The following MYO15B variants were observed in gnomAD, a reference collection of about 807,000 sequenced individuals.
MYO15B encodes myosin XVB pseudogene.
A neutral mutation model predicts 119.3 loss-of-function variants in MYO15B; 207 were observed. The ratio of observed to expected loss-of-function variants is 1.73; its 90% CI spans 1.55 to 1.95. MYO15B has a LOEUF of 1.95. Ranked by LOEUF, MYO15B falls within the 30% of genes most tolerant of loss-of-function variation. The probability of loss-of-function intolerance (pLI) is 0.00; values close to 1 mark genes in which losing one functional copy is unlikely to be tolerated. For synonymous variants in MYO15B, 966 were observed against 498.9 expected, an observed-to-expected ratio of 1.94 and a Z score of -12.48; for missense variants, 2,264 against 1,203.1, an observed-to-expected ratio of 1.88 and a Z score of -13.04.
rs773966943 is a variant in MYO15B at position 75,617,301 on chromosome 17, CGTT to C, written c.6814_6814+2del. 2.5e-5 allele frequency: 16 copies of C among 633,826 alleles called. No homozygotes were observed. In the African/African-American group the frequency reaches 2.6e-4, roughly 10 times the overall value. 39.3% of individuals were successfully genotyped at this position (633,826 alleles called of 1,614,324 possible). ...CCCAGGGACCCTTTCAGCAGAGCGT[CGTT>C]GTAAGGAACCACATTTCTCCTGCGC... On this transcript the variant is annotated inframe_deletion and splice_region_variant, in exon 41 of 64. Transcript: ENST00000645453.
At chr17:75,609,629 C>T (rs908955383) in intron 21 of MYO15B, among the ~76,000 whole-genome samples, 1 of 151,252 alleles carries the variant, frequency 6.6e-6, no homozygotes, top group African/African-American at 2.4e-5. Flanking sequence ...TCCTTCCTCC[C>T]TTCCTCCCTC....
chr17:75,592,951 C>T (rs2056576088), intron 9 of MYO15B, 111 bp downstream of exon 9: 4 of 606,566 alleles, frequency 6.6e-6, no homozygotes, highest in Admixed American at 2.7e-5. Context: ...GCTGGGCTGC[C>T]CTGAAAAGTG....
chr17:75,600,762 A>T (rs1227890151), intron 14 of MYO15B: 1 of 147,230 alleles, frequency 6.8e-6, no homozygotes, highest in African/African-American at 2.5e-5. Flanking sequence ...ATTTTTTTGT[A>T]TTTTTAGTAG....
chr17:75,614,181 T>TG lies in MYO15B; in HGVS notation c.5220-16dup. 1.4e-6 allele frequency: 1 copy of TG among 700,128 alleles called. No individual in the cohort carries two copies. Among genetic ancestry groups the TG allele is most frequent in the Non-Finnish European group, 2.6e-6 (1 of 383,170 alleles). The allele number at this position is 700,128 out of a possible 1,614,324, so 43.4% of individuals were successfully genotyped here. On this transcript the variant is annotated splice_polypyrimidine_tract_variant and intron_variant, in intron 29 of 63. Transcript: ENST00000645453. ...CTGGATGGCCGCCTGCCTCACTGAC[T>TG]GGTCCCCTCCCACCCAGAGGCCTGG...
At chr17:75,613,432 C>T (rs1378693308) in exon 28 of MYO15B, 2 of 679,872 alleles carry the variant, frequency 2.9e-6, no homozygotes, top group African/African-American at 1.8e-5. Flanking sequence ...GGCCGGATGG[C>T]GGCGGGGCCG....
exon 54 of MYO15B, chr17:75,623,807 T>A (rs1237256869): frequency 1.4e-6 from 1 of 701,580 alleles, no homozygotes; most frequent in Non-Finnish European, 2.6e-6. Context: ...AGCTGAGGGA[T>A]GAGATTTACT....
rs1426257858 is a variant in MYO15B at position 75,589,127 on chromosome 17, G to A, written c.1070G>A (p.Gly357Asp). Residue 357 changes from glycine (G) to aspartate (D), a missense_variant, in exon 1 of 64, where the codon GGC (glycine) becomes GAC (aspartate). Coordinates refer to ENST00000645453, the Ensembl canonical transcript of MYO15B. This position sits in a 1 kb window ranked among gnomAD's most constrained non-coding sequence, Gnocchi z 4.2. The stretch of plus-strand genomic sequence containing the variant: ...CCAGGCGCCGCTTCCCAGGCCGTGG[G>A]CCCCCGCCGCGCTGGCCTCAAGGAG... The A allele has an allele frequency of 2.6e-5, 10 of 391,232 alleles. No homozygotes were observed. Among genetic ancestry groups the A allele is most frequent in the Non-Finnish European group, 3.2e-5 (7 of 221,316 alleles). 24.2% of individuals were successfully genotyped at this position (391,232 alleles called of 1,614,324 possible).
chr17:75,601,937 G>A (rs2057311368), intron 15 of MYO15B, among the ~76,000 whole-genome samples: 1 of 152,190 alleles, frequency 6.6e-6, no homozygotes, highest in African/African-American at 2.4e-5. Flanking sequence ...GAGATGGCCT[G>A]GCAGGTGCCT....
At chr17:75,605,771 G>A (rs1280945365) in intron 20 of MYO15B, 93 bp from the exon 21 acceptor site, 1 of 648,578 alleles carries the variant, frequency 1.5e-6, no homozygotes, top group African/African-American at 1.8e-5. Flanking sequence ...AGAACAAATG[G>A]TTTGGCTGGA....
intron 52 of MYO15B, 192 bp from the exon 53 acceptor site, chr17:75,621,812 T>C (rs2058728275): frequency 1.6e-6 from 1 of 609,856 alleles, no homozygotes; most frequent in African/African-American, 1.8e-5. Context: ...ATGTGCTGTG[T>C]GGGGCCTTGG....
At chr17:75,591,827 G>T in intron 5 of MYO15B, 115 bp downstream of exon 5, 2 of 680,580 alleles carry the variant, frequency 2.9e-6, no homozygotes, top group Non-Finnish European at 5.4e-6. Context: ...GAGAGGGGTG[G>T]TCTCCAGGCC....
Position 75,596,915 on chromosome 17 carries a change from G to A in MYO15B, c.3525+16G>A. 1 of 688,646 alleles carries A rather than the reference G, an allele frequency of 1.5e-6. No individual in the cohort carries two copies. The highest frequency in any genetic ancestry group is 2.3e-4 in the Middle Eastern group (1 of 4,296). The allele number at this position is 688,646 out of a possible 1,614,324, so 42.7% of individuals were successfully genotyped here. ...GCTGTCCCAGGTAAGGGCCAGGATG[G>A]TGACCCCCCACCCAGTGTCGGGAAG... On this transcript the variant is annotated intron_variant, in intron 14 of 63. Transcript: ENST00000645453.
chr17:75,595,512 G>A (rs557736875), intron 12 of MYO15B, among the ~76,000 whole-genome samples: 1 of 152,320 alleles, frequency 6.6e-6, no homozygotes, highest in East Asian at 1.9e-4. Flanking sequence ...GAACCTTTCT[G>A]AGGTCCAGCG....
chr17:75,591,193 A>G (rs80252608), exon 4 of MYO15B: 32,198 of 702,714 alleles, frequency 0.046, 1,899 homozygotes, highest in African/African-American at 0.23. Context: ...CCATCGTGGC[A>G]TCAGCCTATG....
At chr17:75,613,463 C>T (rs1265249927) in exon 28 of MYO15B, 24 of 681,508 alleles carry the variant, frequency 3.5e-5, no homozygotes, top group Non-Finnish European at 6.1e-5. Context: ...GATGTGTTCA[C>T]CTTCAGCGGT....
chr17:75,624,979 C>T (rs2058943273), intron 59 of MYO15B, 63 bp downstream of exon 59: 2 of 685,804 alleles, frequency 2.9e-6, no homozygotes, highest in African/African-American at 1.8e-5. Flanking sequence ...GCCTGGGCGA[C>T]CTCCAAGCCC....
At chr17:75,604,592 G>C (rs1421794082) in intron 19 of MYO15B, among the ~76,000 whole-genome samples, 2 of 143,334 alleles carry the variant, frequency 1.4e-5, no homozygotes, top group African/African-American at 5.2e-5. Flanking sequence ...TACTGTGTTG[G>C]GTGGCGAGGA....
At chr17:75,626,563 T>TATCA (rs2059082153) in exon 64 of MYO15B, 2 of 697,800 alleles carry the variant, frequency 2.9e-6, no homozygotes, top group Non-Finnish European at 5.2e-6. Context: ...CCTTGGATGC[T>TATCA]ATCAGATCAC....
chr17:75,625,734 G>C, intron 61 of MYO15B, 74 bp downstream of exon 61: 1 of 701,174 alleles, frequency 1.4e-6, no homozygotes, highest in South Asian at 1.5e-5. Context: ...AGAGGGGCGA[G>C]GAGGGGTCTG....
Sources: allele counts gnomAD v4.1 joint callset (sites outside exome capture counted in the v4.1 genomes callset), GRCh38; gene constraint gnomAD v4.1.1; non-coding constraint Gnocchi (gnomAD v3.1); transcripts MANE v1.5; gene names NCBI Gene and HGNC (gene_info 2026-07-23, HGNC 2026-07-21).